Variants in POMC observed in about 807,000 individuals in gnomAD.
POMC encodes proopiomelanocortin, also known as pro-opiomelanocortin.
Under a neutral mutation model 18.5 loss-of-function variants are expected in POMC, and 19 were observed. The observed-to-expected ratio is 1.03, with a 90% CI of 0.72 to 1.51. POMC has a LOEUF of 1.51. Ranked by LOEUF, POMC falls within the 40% of genes most tolerant of loss-of-function variation. The probability of loss-of-function intolerance (pLI) is 0.00; values close to 1 mark genes in which losing one functional copy is unlikely to be tolerated. For missense variants in POMC, 451 were observed against 379.0 expected, an observed-to-expected ratio of 1.19 and a Z score of -1.58; for synonymous variants, 179 against 161.9, an observed-to-expected ratio of 1.11 and a Z score of -0.80.
Position 25,168,031 on chromosome 2 carries a change from G to C in POMC, c.-21+467C>G, listed in dbSNP as rs1200034086. On this transcript the variant is annotated intron_variant, in intron 1 of 2. Coordinates refer to ENST00000395826, the MANE Select transcript of POMC (RefSeq NM_000939.4). This position sits in a 1 kb window ranked among gnomAD's most constrained non-coding sequence, Gnocchi z 5.2. ...TAGCCGGGCGTGGTGGCGCATGCCT[G>C]TAATCCCAGCTACTCGGGAGGCTGA... Among the ~76,000 whole-genome samples the C allele has an allele frequency of 6.6e-6, 1 of 152,186 alleles. No homozygotes were observed. Among genetic ancestry groups the C allele is most frequent in the African/African-American group, 2.4e-5 (1 of 41,460 alleles).
In POMC at chr2:25,161,475, C is replaced by A; in HGVS notation, c.410G>T (p.Arg137Leu). 1.2e-6 allele frequency: 2 copies of A among 1,607,648 alleles called. No individual in the cohort carries two copies. Among genetic ancestry groups the A allele is most frequent in the Non-Finnish European group, 1.7e-6 (2 of 1,178,038 alleles). ...GCGGAAGTGCTCCATGGAGTAGGAG[C>A]GCTTGCCCTCGCGCGGGCCCGGCTT... is the stretch of plus-strand genomic sequence containing the variant. ...GAKPGPREGK[R>L]SYSMEHFRWG... Residue 137 changes from arginine to leucine, a missense_variant, in exon 3 of 3, where the codon CGC (arginine) becomes CTC (leucine). Arg to Leu is a moderately radical substitution (Grantham distance 102, BLOSUM62 -2). Transcript: ENST00000395826. The surrounding 1 kb of genome is among the most constrained non-coding windows in gnomAD (Gnocchi z 5.7).
Position 25,161,455 on chromosome 2 carries a change from A to G in POMC, c.430T>C (p.Phe144Leu), listed in dbSNP as rs201408477. Reference sequence around the variant, plus strand: ...TTGCCCACCGGCTTGCCCCAGCGGAAGTGCTCCATGGAGTAGGAGCGCTTG... The same window carrying G: ...TTGCCCACCGGCTTGCCCCAGCGGAGGTGCTCCATGGAGTAGGAGCGCTTG... The part of the protein sequence containing the change: ...EGKRSYSMEH[F>L]RWGKPVGKKR... The change falls in exon 3 of 3, where the codon TTC becomes CTC. Residue 144 changes from phenylalanine (F) to leucine (L), a missense_variant. Coordinates refer to ENST00000395826, the MANE Select transcript of POMC (RefSeq NM_000939.4). The surrounding 1 kb of genome is among the most constrained non-coding windows in gnomAD (Gnocchi z 5.7). The G allele has an allele frequency of 1.8e-4, 297 of 1,610,154 alleles. 1 individual carries two copies. The highest frequency in any genetic ancestry group is 6.6e-4 in the Middle Eastern group (4 of 6,056).
At chr2:25,166,358 G>A (rs758819377) in intron 1 of POMC, among the ~76,000 whole-genome samples, 14 of 152,198 alleles carry the variant, frequency 9.2e-5, no homozygotes, top group Non-Finnish European at 1.5e-4. Context: ...CCCTGCCAGT[G>A]ATCTATTCAA....
In POMC at chr2:25,160,917, G is replaced by A. The variant is rs1671323783; in HGVS notation, c.*164C>T. On this transcript the variant is annotated 3_prime_UTR_variant, in exon 3 of 3. Transcript: ENST00000395826. ...CAGTTTACATTCAAAGTCAGAGGTG[G>A]ATGTGAAATTTGAAAGGTTTTATTT... The A allele has an allele frequency of 9.0e-7, 1 of 1,107,036 alleles. No homozygotes were observed. Among genetic ancestry groups the A allele is most frequent in the Non-Finnish European group, 1.3e-6 (1 of 795,740 alleles). 68.6% of individuals were successfully genotyped at this position (1,107,036 alleles called of 1,614,324 possible).
chr2:25,166,650 C>G (rs554206971), intron 1 of POMC, among the ~76,000 whole-genome samples: 2 of 152,284 alleles, frequency 1.3e-5, no homozygotes, highest in African/African-American at 4.8e-5. Context: ...CTGGAAAGCC[C>G]CAGAGAGCAT....
At chr2:25,166,029 T>C (rs545097667) in intron 1 of POMC, among the ~76,000 whole-genome samples, 4 of 152,316 alleles carry the variant, frequency 2.6e-5, no homozygotes, top group South Asian at 2.1e-4. Flanking sequence ...AATCTCTCAT[T>C]TGGGGAGGCG....
intron 1 of POMC, among the ~76,000 whole-genome samples, chr2:25,166,883 G>A (rs1035258614): frequency 3.9e-5 from 6 of 152,196 alleles, no homozygotes; most frequent in Admixed American, 6.5e-5. Context: ...TGAACAAATA[G>A]TACCTTTTGT....
intron 2 of POMC, among the ~76,000 whole-genome samples, chr2:25,163,373 C>T (rs961324801): frequency 2.0e-5 from 3 of 152,210 alleles, no homozygotes; most frequent in African/African-American, 7.2e-5. Context: ...GTGGGTGTCT[C>T]AAGTCAAGAG....
intron 1 of POMC, among the ~76,000 whole-genome samples, chr2:25,166,421 A>G (rs567974816): frequency 6.6e-6 from 1 of 152,340 alleles, no homozygotes; most frequent in African/African-American, 2.4e-5. Context: ...CTCCAAGTTG[A>G]CCATAGCACA....
At chr2:25,165,235 A>C (rs1671515948) in intron 1 of POMC, among the ~76,000 whole-genome samples, 1 of 152,216 alleles carries the variant, frequency 6.6e-6, no homozygotes, top group Admixed American at 6.5e-5. Flanking sequence ...CAGGAGTGAA[A>C]GTAACTTGGG....
intron 2 of POMC, among the ~76,000 whole-genome samples, chr2:25,163,787 C>A (rs1362816989): frequency 4.6e-5 from 7 of 152,300 alleles, no homozygotes; most frequent in African/African-American, 1.7e-4. Flanking sequence ...CCACATCTGG[C>A]TAACTTTTTT....
At chr2:25,166,237 T>A (rs1005706684) in intron 1 of POMC, among the ~76,000 whole-genome samples, 7 of 152,226 alleles carry the variant, frequency 4.6e-5, no homozygotes, top group African/African-American at 1.7e-4. Context: ...TAGATGGCAC[T>A]GGCAGCCAGT....
chr2:25,163,233 C>T (rs563792293), intron 2 of POMC, among the ~76,000 whole-genome samples: 9 of 152,288 alleles, frequency 5.9e-5, no homozygotes, highest in African/African-American at 2.2e-4. Flanking sequence ...ACTCCCCTCC[C>T]GTGGACAGAT....
Position 25,161,057 on chromosome 2 carries a change from T to C in POMC, c.*24A>G, listed in dbSNP as rs753603070. On this transcript the variant is annotated 3_prime_UTR_variant, in exon 3 of 3. Transcript: ENST00000395826. The surrounding 1 kb of genome is among the most constrained non-coding windows in gnomAD (Gnocchi z 5.7). ...TTGGGGTCGACCTCCTGGGGGAGGG[T>C]AGCCCTGGGGCCCCGCTGTGCCCTC... is the stretch of plus-strand genomic sequence containing the variant. The C allele has an allele frequency of 8.7e-6, 14 of 1,613,506 alleles. No homozygotes were observed. Among genetic ancestry groups the C allele is most frequent in the Non-Finnish European group, 1.2e-5 (14 of 1,179,908 alleles).
intron 1 of POMC, among the ~76,000 whole-genome samples, chr2:25,165,336 C>T (rs1488059411): frequency 2.6e-5 from 4 of 152,184 alleles, no homozygotes. Context: ...ACTCTATTTC[C>T]TATGAATATT....
chr2:25,163,067 A>G (rs542986828), intron 2 of POMC, among the ~76,000 whole-genome samples: 1 of 152,344 alleles, frequency 6.6e-6, no homozygotes, highest in East Asian at 1.9e-4. Flanking sequence ...TTTCAGTGAT[A>G]AAAAGATGAA....
rs1351661484 is a variant in POMC, at chr2:25,168,028, C to T, written c.-21+470G>A. On this transcript the variant is annotated intron_variant, in intron 1 of 2. Coordinates refer to ENST00000395826, the MANE Select transcript of POMC (RefSeq NM_000939.4). The surrounding 1 kb of genome is among the most constrained non-coding windows in gnomAD (Gnocchi z 5.2). The stretch of plus-strand genomic sequence containing the variant: ...AATTAGCCGGGCGTGGTGGCGCATG[C>T]CTGTAATCCCAGCTACTCGGGAGGC... Among the ~76,000 whole-genome samples, 1 of 152,180 alleles carries T rather than the reference C, an allele frequency of 6.6e-6. No individual in the cohort carries two copies. Among genetic ancestry groups the T allele is most frequent in the Non-Finnish European group, 1.5e-5 (1 of 68,032 alleles).
At position 25,161,469 on chromosome 2, in the gene POMC, T is replaced by C. The variant is rs1671363241; in HGVS notation, c.416A>G (p.Tyr139Cys). The change falls in exon 3 of 3, where the codon TAC becomes TGC. Residue 139 changes from tyrosine to cysteine, a missense_variant. Transcript: ENST00000395826. This position sits in a 1 kb window ranked among gnomAD's most constrained non-coding sequence, Gnocchi z 5.7. ...KPGPREGKRS[Y>C]SMEHFRWGKP... ...GCCCCAGCGGAAGTGCTCCATGGAG[T>C]AGGAGCGCTTGCCCTCGCGCGGGCC... 6.2e-7 allele frequency: 1 copy of C among 1,608,610 alleles called. No individual in the cohort carries two copies. Among genetic ancestry groups the C allele is most frequent in the Non-Finnish European group, 8.5e-7 (1 of 1,178,512 alleles).
At chr2:25,165,024 A>G (rs535203525) in intron 1 of POMC, among the ~76,000 whole-genome samples, 5 of 152,308 alleles carry the variant, frequency 3.3e-5, no homozygotes, top group African/African-American at 1.2e-4. Flanking sequence ...GTTATCTTCT[A>G]TTTAAACGAG....
Sources: gnomAD v4.1 joint callset for allele counts (sites outside exome capture counted in the v4.1 genomes callset) on GRCh38, gnomAD v4.1.1 for gene constraint, Gnocchi (gnomAD v3.1) non-coding constraint, MANE v1.5 for transcripts, NCBI Gene and HGNC (gene_info 2026-07-23, HGNC 2026-07-21) for gene names.